ASXL1: variants seen among roughly 807,000 people sequenced by gnomAD.
ASXL1 encodes the protein ASXL transcriptional regulator 1, also known as polycomb group protein ASXL1.
A neutral mutation model predicts 89.1 loss-of-function variants in ASXL1; 65 were observed. That is an observed-to-expected ratio of 0.73 (90% CI 0.60 to 0.90). ASXL1 has a LOEUF of 0.90. Ranked by LOEUF, ASXL1 falls within the 40% of genes least tolerant of loss-of-function variation. ASXL1 has a pLI of 0.00. For missense variants in ASXL1, 1,786 were observed against 1,942.9 expected (o/e 0.92, Z 1.52); for synonymous variants, 739 against 746.9 (o/e 0.99, Z 0.17).
intron 6 of ASXL1, 117 bp downstream of exon 6, chr20:32,428,539 G>C (rs2011404095): frequency 6.0e-6 from 6 of 999,502 alleles, no homozygotes; most frequent in Admixed American, 1.9e-5. Context: ...ATAGAAGTCT[G>C]GTCTCCAGCT....
intron 4 of ASXL1, among the ~76,000 whole-genome samples, chr20:32,402,779 C>G (rs1400559041): frequency 6.6e-6 from 1 of 152,098 alleles, no homozygotes; most frequent in African/African-American, 2.4e-5. Context: ...ATGTTCAAGA[C>G]TTTTCTATTT....
Position 32,435,032 on chromosome 20 carries a change from A to G in ASXL1, c.2320A>G (p.Arg774Gly), listed in dbSNP as rs764604832. 17 of 1,614,012 alleles carry G rather than the reference A, an allele frequency of 1.1e-5. No individual in the cohort carries two copies. The highest frequency in any genetic ancestry group is 3.3e-5 in the Admixed American group (2 of 60,010). ...LLSSQTSVAE[R>G]LVEQPQLHPD... The stretch of plus-strand genomic sequence containing the variant: ...GTCCTCCCAAACCTCAGTAGCTGAG[A>G]GATTAGTGGAGCAGCCTCAGTTGCA... The change falls in exon 13 of 13, where the codon AGA becomes GGA. Residue 774 changes from arginine (R) to glycine (G), a missense_variant. Physicochemically the swap from Arg to Gly is moderately radical, Grantham distance 125 (BLOSUM62 -2). Around this residue, in one of 3 missense-constraint regions of ASXL1, gnomAD observed 1,418 missense variants for 1,427.8 expected, o/e 0.99. Transcript: ENST00000375687.
intron 1 of ASXL1, among the ~76,000 whole-genome samples, chr20:32,361,793 C>T (rs367938357): frequency 3.3e-4 from 50 of 151,722 alleles, no homozygotes; most frequent in Non-Finnish European, 5.9e-4. Context: ...AGGCCGGGCA[C>T]GGTGGCTCAC....
chr20:32,394,938 T>C (rs1386291427), intron 4 of ASXL1, among the ~76,000 whole-genome samples: 1 of 152,050 alleles, frequency 6.6e-6, no homozygotes, highest in Non-Finnish European at 1.5e-5. Flanking sequence ...GGTCTCGAAC[T>C]CCTGAGCTCC....
intron 4 of ASXL1, among the ~76,000 whole-genome samples, chr20:32,392,571 C>T (rs1447228699): frequency 6.7e-6 from 1 of 148,858 alleles, no homozygotes; most frequent in Admixed American, 6.7e-5. Context: ...GGGCAGATCA[C>T]GCCTGTGCTG....
intron 4 of ASXL1, among the ~76,000 whole-genome samples, chr20:32,399,643 AT>A (rs2048834726): frequency 7.6e-6 from 1 of 132,102 alleles, no homozygotes; most frequent in South Asian, 2.4e-4. Flanking sequence ...CCTGTGTTTT[AT>A]TTGAAAGATT....
At chr20:32,428,106 G>A in intron 4 of ASXL1, 22 bp from the exon 5 acceptor site, 2 of 1,612,666 alleles carry the variant, frequency 1.2e-6, no homozygotes, top group East Asian at 2.2e-5. Flanking sequence ...TTGTTCACCT[G>A]AGTTGTACCT....
At position 32,434,665 on chromosome 20, in the gene ASXL1, C is replaced by T. The variant is rs548896178; in HGVS notation, c.1953C>T (p.Gly651=). 33 of 1,601,272 alleles carry T rather than the reference C, an allele frequency of 2.1e-5. No individual in the cohort carries two copies. Among genetic ancestry groups the T allele is most frequent in the African/African-American group, 2.0e-4 (15 of 74,580 alleles). The part of the protein sequence containing the change: ...IGGGGGPGGG[G]GGATDEGGGR... ...GGGGGGGTGGCCCGGGTGGAGGTGG[C>T]GGCGGGGCCACCGATGAGGGAGGTG... Residue 651 remains glycine, a synonymous_variant, in exon 13 of 13, where the codon GGC becomes GGT. Coordinates refer to ENST00000375687, the MANE Select transcript of ASXL1 (RefSeq NM_015338.6).
At chr20:32,418,809 C>CTTTTTTTTTTTTTTTTTTTTTTT (rs71338437) in intron 4 of ASXL1, among the ~76,000 whole-genome samples, 1 of 55,698 alleles carries the variant, frequency 1.8e-5, no homozygotes, top group African/African-American at 6.7e-5. Flanking sequence ...GAATTGACAT[C>CTTTTTTTTTTTTTTTTTTTTTTT]TTTTTTTTTT....
chr20:32,436,133 G>T lies in ASXL1; in HGVS notation c.3421G>T (p.Asp1141Tyr). ...SESPQVPLTK[D>Y]QSHGSLRMGS... ...ATCCCCACAAGTACCACTTACAAAA[G>T]ACCAGAGCCATGGCTCGCTACGCAT... The change falls in exon 13 of 13, where the codon GAC (aspartate) becomes TAC (tyrosine). Residue 1141 changes from aspartate (D) to tyrosine (Y), a missense_variant. Physicochemically the swap from Asp to Tyr is radical, Grantham distance 160. Coordinates refer to ENST00000375687, the MANE Select transcript of ASXL1 (RefSeq NM_015338.6). The T allele has an allele frequency of 6.2e-7, 1 of 1,614,196 alleles. No individual in the cohort carries two copies.
At chr20:32,387,589 C>G (rs912952960) in intron 4 of ASXL1, among the ~76,000 whole-genome samples, 2 of 152,196 alleles carry the variant, frequency 1.3e-5, no homozygotes, top group Non-Finnish European at 2.9e-5. Flanking sequence ...GTTTTCCACT[C>G]CATACTCCAT....
At position 32,438,278 on chromosome 20, in the gene ASXL1, G is replaced by A. The variant is rs2012043169; in HGVS notation, c.*940G>A. The A allele has an allele frequency of 4.3e-6, 1 of 233,376 alleles. No homozygotes were observed. Among genetic ancestry groups the A allele is most frequent in the South Asian group, 1.8e-4 (1 of 5,534 alleles). The allele number at this position is 233,376 out of a possible 1,614,324, so 14.5% of individuals were successfully genotyped here. ...TAAGTATGCTCTATGCACCTCTAATGTTTTATCATGTATTTATATGTTGTA... is the reference window on the plus strand; with the variant it reads ...TAAGTATGCTCTATGCACCTCTAATATTTTATCATGTATTTATATGTTGTA... On this transcript the variant is annotated 3_prime_UTR_variant, in exon 13 of 13. Transcript: ENST00000375687.
At chr20:32,413,892 G>A (rs968339156) in intron 4 of ASXL1, among the ~76,000 whole-genome samples, 2 of 152,302 alleles carry the variant, frequency 1.3e-5, no homozygotes, top group South Asian at 2.1e-4. Flanking sequence ...GCAGATTGAC[G>A]TAGAGTTGCT....
rs1569253116 is a variant in ASXL1 at position 32,376,870 on chromosome 20, G to GATAGATATATAATATATAATTATATA, written c.252+7747_252+7748insATAGATATATAATATATAATTATATA. ...ATAGATATATAATATATAATTATAT[G>GATAGATATATAATATATAATTATATA]TTATATATTTTATATTTATAAAATA... On this transcript the variant is annotated intron_variant, in intron 4 of 12. Coordinates refer to ENST00000375687, the MANE Select transcript of ASXL1 (RefSeq NM_015338.6). Among the ~76,000 whole-genome samples the GATAGATATATAATATATAATTATATA allele has an allele frequency of 8.6e-3, 1,192 of 138,220 alleles. 22 individuals carry two copies. Among genetic ancestry groups the GATAGATATATAATATATAATTATATA allele is most frequent in the African/African-American group, 0.028 (1,066 of 37,492 alleles). 90.7% of individuals were successfully genotyped at this position (138,220 alleles called of 152,430 possible).
chr20:32,408,290 G>A (rs561723720), intron 4 of ASXL1, among the ~76,000 whole-genome samples: 1 of 152,182 alleles, frequency 6.6e-6, no homozygotes, highest in African/African-American at 2.4e-5. Flanking sequence ...GTTTTTACGT[G>A]TTTATCTTGT....
chr20:32,419,685 T>C (rs993837368), intron 4 of ASXL1, among the ~76,000 whole-genome samples: 1 of 144,036 alleles, frequency 6.9e-6, no homozygotes, highest in African/African-American at 2.7e-5. Flanking sequence ...TATATTTTCT[T>C]TTTTTTTTTT....
intron 4 of ASXL1, among the ~76,000 whole-genome samples, chr20:32,425,951 C>T (rs566524217): frequency 3.3e-5 from 5 of 152,300 alleles, no homozygotes; most frequent in South Asian, 2.1e-4. Context: ...GTGATCCATC[C>T]GCCTTGGCCT....
chr20:32,359,488 AGCC>A, intron 1 of ASXL1: 1 of 657,646 alleles, frequency 1.5e-6, no homozygotes, highest in Middle Eastern at 2.5e-4. Context: ...TCTGGGATAG[AGCC>A]TGGGAATCTG....
At position 32,431,309 on chromosome 20, in the gene ASXL1, C is replaced by T. The variant is rs1283756729; in HGVS notation, c.719-12C>T. On this transcript the variant is annotated splice_polypyrimidine_tract_variant and intron_variant, in intron 8 of 12. Coordinates refer to ENST00000375687, the MANE Select transcript of ASXL1 (RefSeq NM_015338.6). ...AAAAGCTGAAATCTATACCTTGCTT[C>T]AAAAATCATAGGTCAAATGAAGCGC... is the stretch of plus-strand genomic sequence containing the variant. 1.2e-6 allele frequency: 2 copies of T among 1,614,138 alleles called. No homozygotes were observed. Among genetic ancestry groups the T allele is most frequent in the Non-Finnish European group, 1.7e-6 (2 of 1,180,042 alleles).
Sources: gnomAD v4.1 joint callset for allele counts (sites outside exome capture counted in the v4.1 genomes callset) on GRCh38, gnomAD v4.1.1 for gene constraint, gnomAD v4.1.1 regional missense constraint, MANE v1.5 for transcripts, NCBI Gene and HGNC (gene_info 2026-07-23, HGNC 2026-07-21) for gene names.